ROBO2: variants seen among roughly 807,000 people sequenced by gnomAD.
ROBO2 encodes the protein roundabout homolog 2.
Under a neutral mutation model 160.8 loss-of-function variants are expected in ROBO2, and 53 were observed. The observed-to-expected ratio is 0.33, with a 90% CI of 0.26 to 0.41. The LOEUF (loss-of-function observed/expected upper bound fraction) is 0.41. Among genes scored for constraint, ROBO2 ranks in the 10% least tolerant of loss-of-function variants. The pLI, the probability that ROBO2 is intolerant of heterozygous loss-of-function variation, is 1.00. For synonymous variants in ROBO2, 664 were observed against 611.7 expected (o/e 1.09, Z -1.26); for missense variants, 1,577 against 1,722.4 (o/e 0.92, Z 1.49).
intron 2 of ROBO2, among the ~76,000 whole-genome samples, chr3:77,386,265 A>G (rs985095163): frequency 4.6e-5 from 7 of 152,214 alleles, no homozygotes; most frequent in African/African-American, 1.4e-4. Context: ...ATCTGACTTC[A>G]GAGCTTGTTC....
At chr3:76,527,692 G>T (rs983647855) in intron 2 of ROBO2, among the ~76,000 whole-genome samples, 7 of 152,146 alleles carry the variant, frequency 4.6e-5, no homozygotes, top group Admixed American at 1.3e-4. Context: ...AGAATTTGGG[G>T]AGGAGATTTT....
At chr3:77,468,472 G>T (rs933009917) in intron 2 of ROBO2, among the ~76,000 whole-genome samples, 2 of 152,172 alleles carry the variant, frequency 1.3e-5, no homozygotes, top group African/African-American at 4.8e-5. Flanking sequence ...ATGTTTCCAT[G>T]CAATTTCTAA....
chr3:77,217,255 A>G (rs1042208678), intron 2 of ROBO2, among the ~76,000 whole-genome samples: 2 of 151,526 alleles, frequency 1.3e-5, no homozygotes, highest in African/African-American at 2.4e-5. Flanking sequence ...CAATTCTCCT[A>G]CCTCAGCCTC....
At chr3:76,514,329 C>T (rs2081248957) in intron 2 of ROBO2, among the ~76,000 whole-genome samples, 1 of 152,140 alleles carries the variant, frequency 6.6e-6, no homozygotes, top group Admixed American at 6.5e-5. Flanking sequence ...CAGGCGCTCA[C>T]CTACCTCCCC....
intron 2 of ROBO2, among the ~76,000 whole-genome samples, chr3:76,735,759 C>CAA (rs60229835): frequency 2.3e-5 from 1 of 43,838 alleles, no homozygotes; most frequent in Non-Finnish European, 3.9e-5. Flanking sequence ...GACCCTGTCT[C>CAA]AAAAAAAAAA....
chr3:77,127,396 C>A (rs575147228), intron 2 of ROBO2, among the ~76,000 whole-genome samples: 1 of 152,254 alleles, frequency 6.6e-6, no homozygotes, highest in African/African-American at 2.4e-5. Flanking sequence ...GTGCTCCTCA[C>A]TATCACCACC....
At chr3:77,185,138 A>T (rs1444169589) in intron 2 of ROBO2, among the ~76,000 whole-genome samples, 2 of 152,060 alleles carry the variant, frequency 1.3e-5, no homozygotes, top group Admixed American at 1.3e-4. Context: ...GATGAGAGGT[A>T]GAATGATAGT....
At chr3:76,847,254 G>T (rs1042844442) in intron 2 of ROBO2, among the ~76,000 whole-genome samples, 4 of 152,100 alleles carry the variant, frequency 2.6e-5, no homozygotes, top group South Asian at 4.2e-4. Flanking sequence ...GGTTTGAAGG[G>T]CATGGGGCAG....
chr3:76,061,722 G>C (rs932247566), intron 2 of ROBO2, among the ~76,000 whole-genome samples: 1 of 151,932 alleles, frequency 6.6e-6, no homozygotes, highest in Non-Finnish European at 1.5e-5. Flanking sequence ...CTAATGGCTT[G>C]GTGGCTAAAA....
At chr3:76,525,862 A>G (rs2081920289) in intron 2 of ROBO2, among the ~76,000 whole-genome samples, 1 of 152,002 alleles carries the variant, frequency 6.6e-6, no homozygotes, top group South Asian at 2.1e-4. Context: ...ATGCTCATAA[A>G]GTAGACACTT....
intron 2 of ROBO2, among the ~76,000 whole-genome samples, chr3:76,469,025 T>A (rs968798774): frequency 2.0e-5 from 3 of 152,086 alleles, no homozygotes; most frequent in Non-Finnish European, 4.4e-5. Context: ...TCACCTTTGA[T>A]CCTGTTGAAT....
At chr3:76,398,536 C>T (rs1052677817) in intron 2 of ROBO2, among the ~76,000 whole-genome samples, 3 of 151,616 alleles carry the variant, frequency 2.0e-5, no homozygotes, top group Admixed American at 6.6e-5. Flanking sequence ...CGATCTTCCC[C>T]TGGCAATTTT....
intron 1 of ROBO2, among the ~76,000 whole-genome samples, chr3:77,091,750 A>G (rs2070294053): frequency 6.6e-6 from 1 of 152,064 alleles, no homozygotes; most frequent in African/African-American, 2.4e-5. Context: ...AGGCCGAAGC[A>G]GGAGGCTCGC....
chr3:77,442,204 C>T (rs368417009), intron 2 of ROBO2, among the ~76,000 whole-genome samples: 14 of 151,822 alleles, frequency 9.2e-5, no homozygotes, highest in African/African-American at 3.1e-4. Flanking sequence ...CCCAGCTACT[C>T]GGGAGGCTGA....
intron 2 of ROBO2, among the ~76,000 whole-genome samples, chr3:76,226,709 T>A (rs779276279): frequency 1.3e-5 from 2 of 152,222 alleles, no homozygotes; most frequent in Non-Finnish European, 2.9e-5. Context: ...CTTTTTCTTA[T>A]TTTTATTCAG....
intron 2 of ROBO2, among the ~76,000 whole-genome samples, chr3:76,388,740 C>T (rs1418045635): frequency 1.3e-5 from 2 of 151,684 alleles, no homozygotes; most frequent in East Asian, 3.9e-4. Flanking sequence ...TATTTTTTAC[C>T]TTTCTGGCCA....
intron 2 of ROBO2, among the ~76,000 whole-genome samples, chr3:76,751,341 A>G (rs1468411921): frequency 2.0e-5 from 3 of 152,164 alleles, no homozygotes; most frequent in Non-Finnish European, 4.4e-5. Context: ...ACCTAAAACC[A>G]TAAAAACCCT....
intron 6 of ROBO2, among the ~76,000 whole-genome samples, chr3:77,535,210 C>CTTTTTT (rs59166969): frequency 4.9e-5 from 7 of 143,472 alleles, no homozygotes; most frequent in Non-Finnish European, 6.1e-5. Context: ...TTTTCTTTTT[C>CTTTTTT]TTTTTTTTTT....
At chr3:76,721,134 TAAAA>T (rs1266130423) in intron 2 of ROBO2, among the ~76,000 whole-genome samples, 3 of 152,150 alleles carry the variant, frequency 2.0e-5, no homozygotes, top group Non-Finnish European at 4.4e-5. Context: ...TCACCTTTAA[TAAAA>T]AATCAATCTG....
Sources: gnomAD v4.1 joint callset for allele counts (sites outside exome capture counted in the v4.1 genomes callset) on GRCh38, gnomAD v4.1.1 for gene constraint, MANE v1.5 for transcripts, NCBI Gene and HGNC (gene_info 2026-07-23, HGNC 2026-07-21) for gene names.